The following RCAN2 variants were observed in gnomAD, a reference collection of about 807,000 sequenced individuals.
The protein encoded by RCAN2 is regulator of calcineurin 2.
A neutral mutation model predicts 23.6 loss-of-function variants in RCAN2; 9 were observed. The ratio of observed to expected loss-of-function variants is 0.38; its 90% confidence interval spans 0.23 to 0.67. The LOEUF is 0.67. Among genes scored for constraint, RCAN2 ranks in the 30% least tolerant of loss-of-function variants. RCAN2 has a pLI of 0.51. For missense variants in RCAN2, 273 were observed against 302.3 expected (o/e 0.90, Z 0.72); for synonymous variants, 109 against 115.7 (o/e 0.94, Z 0.37).
chr6:46,484,944 A>G (rs1461888797), intron 1 of RCAN2, among the ~76,000 whole-genome samples: 4 of 152,336 alleles, frequency 2.6e-5, no homozygotes, highest in East Asian at 1.9e-4. Context: ...CAAGAAGGAC[A>G]GAGGTGACAT....
chr6:46,464,729 G>C (rs1436465543), intron 1 of RCAN2, among the ~76,000 whole-genome samples: 2 of 152,158 alleles, frequency 1.3e-5, no homozygotes, highest in African/African-American at 4.8e-5. Context: ...GATCAGTCTT[G>C]AAAGTATCAG....
At chr6:46,465,973 A>G (rs2150438213) in intron 1 of RCAN2, among the ~76,000 whole-genome samples, 1 of 152,336 alleles carries the variant, frequency 6.6e-6, no homozygotes, top group Non-Finnish European at 1.5e-5. Context: ...AAGATTCATC[A>G]CCTCTGACTG....
At chr6:46,341,797 C>CAA (rs35714887) in intron 2 of RCAN2, among the ~76,000 whole-genome samples, 1 of 151,352 alleles carries the variant, frequency 6.6e-6, no homozygotes, top group South Asian at 2.1e-4. Context: ...GACTCTGTCC[C>CAA]AAAAAAAGGT....
chr6:46,236,378 A>G (rs1766097224), intron 4 of RCAN2, among the ~76,000 whole-genome samples: 1 of 149,928 alleles, frequency 6.7e-6, no homozygotes, highest in Non-Finnish European at 1.5e-5. Flanking sequence ...AACCTTTTCT[A>G]TACCTCTATT....
At chr6:46,456,696 A>T in intron 2 of RCAN2, 56 bp downstream of exon 2, 1 of 1,246,654 alleles carries the variant, frequency 8.0e-7, no homozygotes, top group Non-Finnish European at 1.1e-6. Context: ...CAACAGGATT[A>T]CTTGGAGATA....
chr6:46,406,131 C>T (rs1280782523), intron 2 of RCAN2, among the ~76,000 whole-genome samples: 1 of 152,198 alleles, frequency 6.6e-6, no homozygotes, highest in Admixed American at 6.5e-5. Context: ...AGCCCCGGTT[C>T]CTGCTCGCGC....
At chr6:46,241,797 G>C in intron 4 of RCAN2, among the ~76,000 whole-genome samples, 1 of 152,032 alleles carries the variant, frequency 6.6e-6, no homozygotes, top group East Asian at 1.9e-4. Context: ...GTATAATTGA[G>C]GACAATAATA....
intron 2 of RCAN2, chr6:46,325,998 G>A (rs972159154): frequency 2.8e-5 from 14 of 508,386 alleles, no homozygotes; most frequent in Non-Finnish European, 3.3e-5. Context: ...TTCTGCCTTC[G>A]AGATGAGCAG....
chr6:46,450,755 A>G (rs1445613407), intron 2 of RCAN2, among the ~76,000 whole-genome samples: 1 of 152,080 alleles, frequency 6.6e-6, no homozygotes, highest in Non-Finnish European at 1.5e-5. Context: ...AGAAACCGAG[A>G]GTAGAATGGT....
At chr6:46,294,775 C>T (rs1003826703) in intron 2 of RCAN2, among the ~76,000 whole-genome samples, 6 of 152,096 alleles carry the variant, frequency 3.9e-5, no homozygotes, top group African/African-American at 1.2e-4. Context: ...ATGCTTACCA[C>T]GGTTATATAT....
intron 2 of RCAN2, among the ~76,000 whole-genome samples, chr6:46,302,291 A>G (rs1192119985): frequency 1.3e-5 from 2 of 152,086 alleles, no homozygotes; most frequent in African/African-American, 4.8e-5. Flanking sequence ...AGGGAACCTC[A>G]GAGTTCTGTT....
chr6:46,385,638 C>G (rs1765721375), intron 2 of RCAN2, among the ~76,000 whole-genome samples: 1 of 151,972 alleles, frequency 6.6e-6, no homozygotes, highest in Non-Finnish European at 1.5e-5. Context: ...GGGCAGATCA[C>G]TTGAGGTCAG....
chr6:46,263,179 C>T (rs1054483348), intron 2 of RCAN2, among the ~76,000 whole-genome samples: 1 of 152,152 alleles, frequency 6.6e-6, no homozygotes, highest in African/African-American at 2.4e-5. Flanking sequence ...GAGAACAGTC[C>T]TCCCTCCCAC....
At chr6:46,430,455 C>T (rs1233204072) in intron 2 of RCAN2, among the ~76,000 whole-genome samples, 1 of 152,086 alleles carries the variant, frequency 6.6e-6, no homozygotes, top group African/African-American at 2.4e-5. Context: ...CTCAGAGAGG[C>T]TGCTTGGATC....
At chr6:46,326,507 T>A (rs776915878) in intron 2 of RCAN2, among the ~76,000 whole-genome samples, 5 of 152,234 alleles carry the variant, frequency 3.3e-5, no homozygotes, top group Non-Finnish European at 5.9e-5. Flanking sequence ...TTTACCTTTA[T>A]ATCTTCAGTC....
intron 4 of RCAN2, among the ~76,000 whole-genome samples, chr6:46,227,333 A>T (rs1376228302): frequency 6.6e-6 from 1 of 152,028 alleles, no homozygotes; most frequent in African/African-American, 2.4e-5. Flanking sequence ...CTCTTTTTCT[A>T]TTACTGGAAT....
chr6:46,334,004 T>G (rs545611298), intron 2 of RCAN2, among the ~76,000 whole-genome samples: 1 of 152,226 alleles, frequency 6.6e-6, no homozygotes, highest in Non-Finnish European at 1.5e-5. Flanking sequence ...GTCCATCACA[T>G]GCAAAAACAC....
chr6:46,417,124 G>GAATACATGTGTCATAGATGGAA (rs1582184744), intron 2 of RCAN2, among the ~76,000 whole-genome samples: 3 of 152,290 alleles, frequency 2.0e-5, no homozygotes, highest in East Asian at 3.9e-4. Context: ...CATAGATGGA[G>GAATACATGTGTCATAGATGGAA]AATACATGTG....
At chr6:46,287,017 A>G (rs1251194375) in intron 2 of RCAN2, among the ~76,000 whole-genome samples, 1 of 151,952 alleles carries the variant, frequency 6.6e-6, no homozygotes, top group Non-Finnish European at 1.5e-5. Flanking sequence ...AAAAAAAAAA[A>G]GAAAGAAAGA....
Sources: allele counts gnomAD v4.1 joint callset (sites outside exome capture counted in the v4.1 genomes callset), GRCh38; gene constraint gnomAD v4.1.1; transcripts MANE v1.5; gene names NCBI Gene and HGNC (gene_info 2026-07-23, HGNC 2026-07-21).